KCNMA1: variants seen among roughly 807,000 people sequenced by gnomAD.
KCNMA1 encodes the protein Calcium-activated potassium channel subunit alpha-1.
KCNMA1 carries 29 observed loss-of-function variants against 140.0 expected under a neutral mutation model. That is an observed-to-expected ratio of 0.21 (90% confidence interval 0.15 to 0.28). KCNMA1 has a LOEUF of 0.28. KCNMA1 is among the 10% of genes least tolerant of loss of function. The pLI, the probability that KCNMA1 is intolerant of heterozygous loss-of-function variation, is 1.00. For synonymous variants in KCNMA1, 612 were observed against 611.9 expected (o/e 1.00, Z 0.00); for missense variants, 880 against 1,602.2 (o/e 0.55, Z 7.70).
At chr10:77,102,594 C>G (rs2097125309) in intron 9 of KCNMA1, among the ~76,000 whole-genome samples, 1 of 152,176 alleles carries the variant, frequency 6.6e-6, no homozygotes, top group East Asian at 1.9e-4. Flanking sequence ...GGAGGTAGAA[C>G]TGAAGACCTA....
rs1489534527 is a variant in KCNMA1, at chr10:76,954,036, T to C, written c.2361-112A>G. 1.2e-5 allele frequency: 14 copies of C among 1,195,090 alleles called. No homozygotes were observed. The Admixed American group carries it at 2.7e-4, about 23-fold the overall frequency. The allele number at this position is 1,195,090 out of a possible 1,614,324, so 74.0% of individuals were successfully genotyped here. A position where few individuals can be genotyped will look rare whatever the true frequency, so the allele number is the denominator to read the frequency against. On this transcript the variant is annotated intron_variant, in intron 20 of 27. Transcript: ENST00000286628. The stretch of plus-strand genomic sequence containing the variant: ...GTGAAAGATGCAGAGGAAGTGGTTG[T>C]CACTGAAGGCCATTCTTCTGCTTAC...
chr10:77,035,069 T>C (rs1433042032), intron 15 of KCNMA1, among the ~76,000 whole-genome samples: 1 of 152,138 alleles, frequency 6.6e-6, no homozygotes, highest in African/African-American at 2.4e-5. Context: ...CCAAAAACAC[T>C]GTTATCAGTT....
intron 2 of KCNMA1, among the ~76,000 whole-genome samples, chr10:77,262,913 G>A (rs2062408604): frequency 6.6e-6 from 1 of 152,146 alleles, no homozygotes; most frequent in Non-Finnish European, 1.5e-5. Flanking sequence ...TACAGATAGT[G>A]ATGATGATTG....
At chr10:77,526,995 TG>T (rs1351921011) in intron 1 of KCNMA1, among the ~76,000 whole-genome samples, 1 of 152,198 alleles carries the variant, frequency 6.6e-6, no homozygotes, top group Non-Finnish European at 1.5e-5. Flanking sequence ...TCAAATCCTT[TG>T]GGGGCATTGT....
intron 14 of KCNMA1, among the ~76,000 whole-genome samples, chr10:77,054,231 G>A (rs1019204357): frequency 2.6e-5 from 4 of 152,044 alleles, no homozygotes; most frequent in African/African-American, 9.7e-5. Context: ...CCTATTTAAG[G>A]AGAAAGAGAA....
intron 3 of KCNMA1, among the ~76,000 whole-genome samples, chr10:77,211,174 T>C (rs1385469842): frequency 6.6e-6 from 1 of 151,812 alleles, no homozygotes; most frequent in Admixed American, 6.6e-5. Context: ...CCAACAAAGC[T>C]GGAGGCATCA....
At chr10:77,159,469 G>A (rs986117844) in intron 5 of KCNMA1, among the ~76,000 whole-genome samples, 5 of 152,108 alleles carry the variant, frequency 3.3e-5, no homozygotes, top group African/African-American at 1.2e-4. Context: ...TTTGGCCCAG[G>A]GCTTGCCTAA....
At position 77,403,952 on chromosome 10, in the gene KCNMA1, C is replaced by T. The variant is rs151045410; in HGVS notation, c.450G>A (p.Glu150=). ...GTLKPVDEKE[E]AVAAEVGWMT... ...TCCAGCCGACCTCGGCGGCCACTGCCTCCTCTTTTTCATCCACTGGTTTGA... is the reference window on the plus strand; with the variant it reads ...TCCAGCCGACCTCGGCGGCCACTGCTTCCTCTTTTTCATCCACTGGTTTGA... Residue 150 remains glutamate (E), a synonymous_variant, in exon 2 of 28, where the codon GAG becomes GAA. Coordinates refer to ENST00000286628, the MANE Select transcript of KCNMA1 (RefSeq NM_001161352.2). 1.9e-6 allele frequency: 3 copies of T among 1,614,084 alleles called. No homozygotes were observed. The African/African-American group carries it at 4.0e-5, about 22-fold the overall frequency.
intron 5 of KCNMA1, among the ~76,000 whole-genome samples, chr10:77,154,917 C>T (rs1252287580): frequency 6.6e-6 from 1 of 152,220 alleles, no homozygotes; most frequent in African/African-American, 2.4e-5. Flanking sequence ...ACACTTTAGA[C>T]TGTGTGGCCA....
intron 1 of KCNMA1, among the ~76,000 whole-genome samples, chr10:77,524,232 G>T (rs143653283): frequency 7.2e-5 from 11 of 152,284 alleles, no homozygotes; most frequent in Non-Finnish European, 1.3e-4. Flanking sequence ...AGAGAACACA[G>T]CTGTTACCAC....
chr10:77,087,766 C>T (rs1342732153), intron 10 of KCNMA1, among the ~76,000 whole-genome samples: 1 of 152,138 alleles, frequency 6.6e-6, no homozygotes, highest in African/African-American at 2.4e-5. Context: ...CCGTGCTAGG[C>T]ACTGGGAGAT....
intron 3 of KCNMA1, among the ~76,000 whole-genome samples, chr10:77,195,132 T>C (rs1184635223): frequency 6.6e-6 from 1 of 152,234 alleles, no homozygotes. Context: ...ACATCTGGCA[T>C]AGAAGACAAT....
intron 2 of KCNMA1, among the ~76,000 whole-genome samples, chr10:77,349,379 G>A (rs2092597415): frequency 6.6e-6 from 1 of 152,182 alleles, no homozygotes; most frequent in Non-Finnish European, 1.5e-5. Context: ...AGAAATAAAT[G>A]TGCTTATCAG....
At chr10:77,269,672 A>C (rs1373646409) in intron 2 of KCNMA1, among the ~76,000 whole-genome samples, 1 of 152,178 alleles carries the variant, frequency 6.6e-6, no homozygotes, top group Non-Finnish European at 1.5e-5. Context: ...GTGGGATCTT[A>C]ATGCTAACAC....
intron 6 of KCNMA1, among the ~76,000 whole-genome samples, chr10:77,115,145 C>T (rs1329787281): frequency 2.6e-5 from 4 of 152,162 alleles, no homozygotes; most frequent in African/African-American, 9.7e-5. Context: ...AATCCATAGT[C>T]TTAGTTTTTC....
At chr10:77,098,760 C>A (rs2097010488) in intron 9 of KCNMA1, among the ~76,000 whole-genome samples, 1 of 151,986 alleles carries the variant, frequency 6.6e-6, no homozygotes, top group African/African-American at 2.4e-5. Context: ...CCTTTCCTTT[C>A]TTTCCTTCCT....
intron 3 of KCNMA1, among the ~76,000 whole-genome samples, chr10:77,225,043 C>T (rs1181213815): frequency 6.6e-6 from 1 of 152,140 alleles, no homozygotes; most frequent in East Asian, 1.9e-4. Flanking sequence ...GCAGAAAAGG[C>T]TCAAAATGTT....
intron 1 of KCNMA1, among the ~76,000 whole-genome samples, chr10:77,510,841 T>A (rs2154548423): frequency 6.6e-6 from 1 of 152,322 alleles, no homozygotes; most frequent in Admixed American, 6.5e-5. Context: ...TGAAACATAT[T>A]GACCACTGAA....
intron 1 of KCNMA1, among the ~76,000 whole-genome samples, chr10:77,431,715 A>G (rs865996): frequency 1.5e-5 from 2 of 134,018 alleles, no homozygotes; most frequent in African/African-American, 5.6e-5. Flanking sequence ...AAAAAAAAAA[A>G]GGCCGGGAGC....
Sources: allele counts gnomAD v4.1 joint callset (sites outside exome capture counted in the v4.1 genomes callset), GRCh38; gene constraint gnomAD v4.1.1; transcripts MANE v1.5; gene names NCBI Gene and HGNC (gene_info 2026-07-23, HGNC 2026-07-21).